The following MKLN1 variants were observed in gnomAD, a reference collection of about 807,000 sequenced individuals.
MKLN1 encodes the protein muskelin.
MKLN1 carries 18 observed loss-of-function variants against 99.0 expected under a neutral mutation model. That is an observed-to-expected ratio of 0.18 (90% CI 0.13 to 0.27). The LOEUF (loss-of-function observed/expected upper bound fraction) is 0.27. Among genes scored for constraint, MKLN1 ranks in the 10% least tolerant of loss-of-function variants. The pLI is 1.00. For missense variants in MKLN1, 621 were observed against 875.9 expected, an observed-to-expected ratio of 0.71 and a Z score of 3.67; for synonymous variants, 288 against 293.2, an observed-to-expected ratio of 0.98 and a Z score of 0.18.
At chr7:131,393,708 C>T (rs958254204) in intron 4 of MKLN1, among the ~76,000 whole-genome samples, 4 of 152,122 alleles carry the variant, frequency 2.6e-5, no homozygotes, top group African/African-American at 4.8e-5. Context: ...CTCACTGTAA[C>T]ACTGAACTCC....
intron 9 of MKLN1, 26 bp downstream of exon 9, chr7:131,429,171 C>G (rs1455129672): frequency 2.0e-6 from 3 of 1,500,522 alleles, no homozygotes; most frequent in Non-Finnish European, 2.8e-6. Flanking sequence ...TTTCATACAT[C>G]TATATTACAG....
chr7:131,327,724 C>A, upstream of MKLN1: 1 of 1,183,388 alleles, frequency 8.5e-7, no homozygotes, highest in Non-Finnish European at 1.1e-6. Flanking sequence ...AAGGAGCGAG[C>A]GACGTGGGAA....
intron 3 of MKLN1, among the ~76,000 whole-genome samples, chr7:131,266,238 T>C (rs1333335162): frequency 6.8e-6 from 1 of 147,814 alleles, no homozygotes; most frequent in Non-Finnish European, 1.5e-5. Flanking sequence ...AAAGAGAGTA[T>C]ACTGGAAAGA....
In MKLN1 at chr7:131,495,594, A is replaced by AT. The variant is rs1797536098; in HGVS notation, c.*7868dup. 1.3e-5 allele frequency: 2 copies of AT among 148,418 alleles called. No homozygotes were observed. Among genetic ancestry groups the AT allele is most frequent in the South Asian group, 4.2e-4 (2 of 4,712 alleles). 9.2% of individuals were successfully genotyped at this position (148,418 alleles called of 1,614,324 possible). On this transcript the variant is annotated 3_prime_UTR_variant, in exon 18 of 18. Coordinates refer to ENST00000352689, the MANE Select transcript of MKLN1 (RefSeq NM_013255.5). ...CCAAACATAGTAAAGGCCAGAAAAG[A>AT]TTAAAAAAAAAATTAACACAGCCAT...
chr7:131,278,494 C>T (rs1440800762), intron 3 of MKLN1, among the ~76,000 whole-genome samples: 1 of 152,084 alleles, frequency 6.6e-6, no homozygotes, highest in Admixed American at 6.5e-5. Context: ...CATTCTTTTT[C>T]CATTGATAAT....
intron 1 of MKLN1, among the ~76,000 whole-genome samples, chr7:131,122,655 T>A (rs1005986267): frequency 3.3e-5 from 5 of 152,238 alleles, no homozygotes; most frequent in African/African-American, 1.2e-4. Context: ...GAAAGGTGAC[T>A]ACTGGCAGGA....
At chr7:131,346,430 G>A (rs1049321358) in intron 1 of MKLN1, among the ~76,000 whole-genome samples, 1 of 151,958 alleles carries the variant, frequency 6.6e-6, no homozygotes, top group Non-Finnish European at 1.5e-5. Flanking sequence ...GCTGAGGCAG[G>A]AGAATTCCTT....
At chr7:131,342,517 G>A (rs1799438417) in intron 1 of MKLN1, among the ~76,000 whole-genome samples, 1 of 152,082 alleles carries the variant, frequency 6.6e-6, no homozygotes, top group African/African-American at 2.4e-5. Flanking sequence ...AATATCAAAT[G>A]GGAGATATTT....
intron 1 of MKLN1, among the ~76,000 whole-genome samples, chr7:131,111,913 A>T (rs1795208610): frequency 6.6e-6 from 1 of 152,276 alleles, no homozygotes; most frequent in Non-Finnish European, 1.5e-5. Context: ...CGGAGAACAC[A>T]GTGTGACTAC....
chr7:131,466,943 G>A (rs1034180345), intron 15 of MKLN1, among the ~76,000 whole-genome samples: 4 of 151,266 alleles, frequency 2.6e-5, no homozygotes, highest in East Asian at 1.9e-4. Context: ...GCGCACACAC[G>A]CACGCAGGCA....
At chr7:131,211,573 T>C (rs775658444) in intron 3 of MKLN1, among the ~76,000 whole-genome samples, 6 of 151,752 alleles carry the variant, frequency 4.0e-5, no homozygotes, top group Non-Finnish European at 7.4e-5. Flanking sequence ...CACTTTGTCT[T>C]CCTGTAATTT....
In MKLN1 at chr7:131,387,274, T is replaced by G; in HGVS notation, c.311+12T>G. 6.2e-7 allele frequency: 1 copy of G among 1,603,588 alleles called. No individual in the cohort carries two copies. ...GAGCTGTTGTCCAGGTGAGTTATGG[T>G]TATGTTGAAGAGAGCTGTCTTCTAA... is the stretch of plus-strand genomic sequence containing the variant. On this transcript the variant is annotated intron_variant, in intron 3 of 17. Transcript: ENST00000352689.
rs111982121 is a variant in MKLN1 at position 131,466,140 on chromosome 7, T to G, written c.1789-136T>G. ...AGAAATGAGAAAAATCAAGAGAAGC[T>G]TTTGGTAAAAATGCAGTATAATTTT... On this transcript the variant is annotated intron_variant, in intron 14 of 17. Transcript: ENST00000352689. The G allele has an allele frequency of 1.1e-3, 630 of 562,938 alleles. 3 individuals are homozygous for G. The highest frequency in any genetic ancestry group is 0.011 in the African/African-American group (578 of 51,740). 34.9% of individuals were successfully genotyped at this position (562,938 alleles called of 1,614,324 possible). A position where few individuals can be genotyped will look rare whatever the true frequency, so the allele number is the denominator to read the frequency against.
intron 8 of MKLN1, among the ~76,000 whole-genome samples, chr7:131,420,283 AAG>A (rs779683742): frequency 1.5e-4 from 23 of 152,142 alleles, no homozygotes; most frequent in East Asian, 1.2e-3. Flanking sequence ...GAAAGAGAAA[AAG>A]AGAGAGGGGG....
Position 131,445,844 on chromosome 7 carries a change from A to T in MKLN1, c.1466A>T (p.Asp489Val). The T allele has an allele frequency of 6.2e-7, 1 of 1,608,996 alleles. No homozygotes were observed. The change falls in exon 12 of 18, where the codon GAT (aspartate) becomes GTT (valine). Residue 489 changes from aspartate (D) to valine (V), a missense_variant. By Grantham distance (152) the Asp-to-Val change is radical. Transcript: ENST00000352689. ...TATTTGAATGATTTCTTTAGTTATGATGTGGACTCTGATCATGTAGACATA... is the reference window on the plus strand; with the variant it reads ...TATTTGAATGATTTCTTTAGTTATGTTGTGGACTCTGATCATGTAGACATA... Reference protein sequence around the residue: ...KTYLNDFFSYDVDSDHVDIIS... With the variant: ...KTYLNDFFSYVVDSDHVDIIS...
rs1402445522 is a variant in MKLN1, at chr7:131,307,345, T to C, written c.-178-68079T>C. Among the ~76,000 whole-genome samples, 4 of 151,850 alleles carry C rather than the reference T, an allele frequency of 2.6e-5. No individual in the cohort carries two copies. The South Asian group carries it at 8.3e-4, about 32-fold the overall frequency. On this transcript the variant is annotated intron_variant, in intron 3 of 7. Transcript: ENST00000416992. ...CAGAGGGGAAATGTGGAATGCGAGCTCCCACATGGAGTCCCCACTGGGGCA... is the reference window on the plus strand; with the variant it reads ...CAGAGGGGAAATGTGGAATGCGAGCCCCCACATGGAGTCCCCACTGGGGCA...
intron 8 of MKLN1, among the ~76,000 whole-genome samples, chr7:131,427,116 A>G (rs1274743116): frequency 1.3e-5 from 2 of 152,216 alleles, no homozygotes; most frequent in Non-Finnish European, 2.9e-5. Context: ...CCCAGTTAGT[A>G]CTAGAACTCA....
At position 131,494,025 on chromosome 7, in the gene MKLN1, T is replaced by A. The variant is rs1021132159; in HGVS notation, c.*6297T>A. Reference sequence around the variant, plus strand: ...TCTCAAGAAAGCCTTTGTTACAGTTTAGCTCATGTCATTTGGTTGGTTTTA... The same window carrying A: ...TCTCAAGAAAGCCTTTGTTACAGTTAAGCTCATGTCATTTGGTTGGTTTTA... On this transcript the variant is annotated 3_prime_UTR_variant, in exon 18 of 18. Transcript: ENST00000352689. The A allele has an allele frequency of 1.4e-4, 22 of 152,242 alleles. No individual in the cohort carries two copies. The highest frequency in any genetic ancestry group is 5.3e-4 in the African/African-American group (22 of 41,470). 9.4% of individuals were successfully genotyped at this position (152,242 alleles called of 1,614,324 possible).
chr7:131,301,390 T>C (rs1798375016), intron 3 of MKLN1, among the ~76,000 whole-genome samples: 1 of 152,156 alleles, frequency 6.6e-6, no homozygotes, highest in African/African-American at 2.4e-5. Flanking sequence ...TGTGGAGCTG[T>C]GGGAAGAAAG....
Sources: allele counts gnomAD v4.1 joint callset (sites outside exome capture counted in the v4.1 genomes callset), GRCh38; gene constraint gnomAD v4.1.1; transcripts MANE v1.5; gene names NCBI Gene and HGNC (gene_info 2026-07-23, HGNC 2026-07-21).